The following NDUFA11 variants were observed in gnomAD, a reference collection of about 807,000 sequenced individuals.
The protein encoded by NDUFA11 is NADH:ubiquinone oxidoreductase subunit A11.
NDUFA11 carries 14 observed loss-of-function variants against 11.3 expected under a neutral mutation model. That is an observed-to-expected ratio of 1.24 (90% confidence interval 0.82 to 1.94). The LOEUF (loss-of-function observed/expected upper bound fraction) is 1.94. Ranked by LOEUF, NDUFA11 falls within the 30% of genes most tolerant of loss-of-function variation. NDUFA11 has a pLI of 0.00. For synonymous variants in NDUFA11, 87 were observed against 85.6 expected (o/e 1.02, Z -0.09); for missense variants, 204 against 200.3 (o/e 1.02, Z -0.11).
downstream of NDUFA11, chr19:5,892,890 T>C: frequency 7.1e-7 from 1 of 1,416,870 alleles, no homozygotes; most frequent in Non-Finnish European, 9.2e-7. Flanking sequence ...GGTGCTGCCG[T>C]CCTCTGAGGA....
chr19:5,901,439 A>G, intron 1 of NDUFA11: 1 of 1,287,106 alleles, frequency 7.8e-7, no homozygotes, highest in Non-Finnish European at 1.0e-6. Flanking sequence ...ATGCTTCTCC[A>G]ACCTTCAGTC....
chr19:5,897,171 C>T (rs1292485102), intron 1 of NDUFA11, among the ~76,000 whole-genome samples, 174 bp from the exon 2 acceptor site: 1 of 152,144 alleles, frequency 6.6e-6, no homozygotes, highest in African/African-American at 2.4e-5. Flanking sequence ...GTTTGCTGCT[C>T]CAAAACTGGG....
intron 1 of NDUFA11, among the ~76,000 whole-genome samples, chr19:5,897,373 C>A (rs982974039): frequency 6.6e-6 from 1 of 152,172 alleles, no homozygotes; most frequent in Non-Finnish European, 1.5e-5. Context: ...CTCAGTTCTG[C>A]GGCTGCTTCC....
intron 3 of NDUFA11, chr19:5,895,481 G>A (rs2057602121): frequency 6.5e-6 from 1 of 153,084 alleles, no homozygotes; most frequent in Non-Finnish European, 1.5e-5. Context: ...TCCAGTGGGA[G>A]CTGGGGAGGG....
intron 1 of NDUFA11, chr19:5,901,195 C>T (rs2057643201): frequency 1.3e-6 from 1 of 795,034 alleles, no homozygotes; most frequent in Non-Finnish European, 1.7e-6. Context: ...GAGACCGCAG[C>T]CCACTCATTT....
At chr19:5,892,871 T>C, downstream of NDUFA11, 1 of 1,400,048 alleles carries the variant, frequency 7.1e-7, no homozygotes, top group South Asian at 1.7e-5. Flanking sequence ...GTGGGAAAGC[T>C]GAGGCCTGGG....
At chr19:5,897,205 T>C (rs1420111851) in intron 1 of NDUFA11, among the ~76,000 whole-genome samples, 1 of 152,048 alleles carries the variant, frequency 6.6e-6, no homozygotes, top group Non-Finnish European at 1.5e-5. Flanking sequence ...CCTTCCCCAC[T>C]CCCCGCCAGG....
Position 5,897,013 on chromosome 19 carries a change from G to A in NDUFA11, c.98-16C>T. 2.5e-6 allele frequency: 4 copies of A among 1,609,380 alleles called. No individual in the cohort carries two copies. Among genetic ancestry groups the A allele is most frequent in the African/African-American group, 2.7e-5 (2 of 74,958 alleles). ...GCGGTCAGGCCTGCGAGACAGAGGA[G>A]GGAGGCTGTTCAGACCCCACTGCTG... On this transcript the variant is annotated splice_polypyrimidine_tract_variant and intron_variant, in intron 1 of 3. Transcript: ENST00000308961.
intron 1 of NDUFA11, among the ~76,000 whole-genome samples, chr19:5,897,341 G>A (rs2057616906): frequency 6.6e-6 from 1 of 152,184 alleles, no homozygotes; most frequent in South Asian, 2.1e-4. Context: ...CCACGTGGTG[G>A]ACACAAGAAC....
intron 3 of NDUFA11, 64 bp from the exon 4 acceptor site, chr19:5,894,918 C>G (rs901112893): frequency 8.6e-6 from 13 of 1,516,026 alleles, no homozygotes; most frequent in Non-Finnish European, 1.2e-5. Context: ...ACGCTCCACG[C>G]CCTGGCCGGT....
intron 3 of NDUFA11, chr19:5,895,647 C>T (rs2057603221): frequency 6.5e-6 from 1 of 153,026 alleles, no homozygotes; most frequent in African/African-American, 2.4e-5. Context: ...TTCACTCCTC[C>T]CGCTGGCCCT....
Position 5,894,767 on chromosome 19 carries a change from T to A in NDUFA11, c.401A>T (p.Glu134Val). The A allele has an allele frequency of 6.2e-7, 1 of 1,613,342 alleles. No homozygotes were observed. The change falls in exon 4 of 4, where the codon GAG becomes GTG. Residue 134 changes from glutamate (E) to valine (V), a missense_variant. By Grantham distance (121) the Glu-to-Val change is moderately radical. Coordinates refer to ENST00000308961, the MANE Select transcript of NDUFA11 (RefSeq NM_175614.5). ...TCACACCTTGGGTTTTGCAAACACC[T>A]CCCAGCCCTCCAGCCGGCCCATCTT... is the stretch of plus-strand genomic sequence containing the variant. The part of the protein sequence containing the change: ...LVKMGRLEGW[E>V]VFAKPKV
Position 5,896,279 on chromosome 19 carries a change from C to G in NDUFA11, c.313+174G>C, listed in dbSNP as rs1052026544. On this transcript the variant is annotated intron_variant, in intron 3 of 3. Coordinates refer to ENST00000308961, the MANE Select transcript of NDUFA11 (RefSeq NM_175614.5). This position sits in a 1 kb window ranked among gnomAD's most constrained non-coding sequence, Gnocchi z 5.8. Reference sequence around the variant, plus strand: ...GGACAGGGCAGGTCAGGGAGGGCCACAGTAGGTGCTTAAGCAGCAGCAGCA... The same window carrying G: ...GGACAGGGCAGGTCAGGGAGGGCCAGAGTAGGTGCTTAAGCAGCAGCAGCA... 5.3e-6 allele frequency: 4 copies of G among 754,916 alleles called. No individual in the cohort carries two copies. In the East Asian group the frequency reaches 1.1e-4, roughly 20 times the overall value. 46.8% of individuals were successfully genotyped at this position (754,916 alleles called of 1,614,324 possible). A position where few individuals can be genotyped will look rare whatever the true frequency, so the allele number is the denominator to read the frequency against.
At chr19:5,893,002 G>A (rs562068529), downstream of NDUFA11, 64 of 1,530,100 alleles carry the variant, frequency 4.2e-5, no homozygotes, top group African/African-American at 8.6e-4. This position sits in a 1 kb window ranked among gnomAD's most constrained non-coding sequence, Gnocchi z 4.1. Context: ...CCCTCTGGGT[G>A]CGGGGTGGGT....
chr19:5,900,725 C>T (rs2057639613), intron 1 of NDUFA11, among the ~76,000 whole-genome samples: 1 of 152,064 alleles, frequency 6.6e-6, no homozygotes, highest in Admixed American at 6.6e-5. Context: ...TGAGACCGGC[C>T]TGGCCAACAT....
intron 1 of NDUFA11, among the ~76,000 whole-genome samples, chr19:5,899,148 C>CTT (rs550114615): frequency 5.0e-5 from 7 of 139,184 alleles, no homozygotes; most frequent in Non-Finnish European, 1.1e-4. Context: ...TATGAAGATT[C>CTT]TTTTTTTTTT....
chr19:5,892,788 G>T, downstream of NDUFA11: 1 of 1,217,016 alleles, frequency 8.2e-7, no homozygotes, highest in Non-Finnish European at 1.1e-6. Context: ...TGAGTGGATG[G>T]GATGCCTGCA....
At position 5,896,623 on chromosome 19, in the gene NDUFA11, G is replaced by A. The variant is rs1440571753; in HGVS notation, c.191-48C>T. 6.4e-7 allele frequency: 1 copy of A among 1,553,220 alleles called. No individual in the cohort carries two copies. The highest frequency in any genetic ancestry group is 8.7e-7 in the Non-Finnish European group (1 of 1,149,282). Reference sequence around the variant, plus strand: ...AAGGGCCTCGAGACGGGCACAGCAGGAGCCTCTTGGGCGCTCACTGCCAGT... The same window carrying A: ...AAGGGCCTCGAGACGGGCACAGCAGAAGCCTCTTGGGCGCTCACTGCCAGT... On this transcript the variant is annotated intron_variant, in intron 2 of 3. Transcript: ENST00000308961. This position sits in a 1 kb window ranked among gnomAD's most constrained non-coding sequence, Gnocchi z 5.8.
downstream of NDUFA11, chr19:5,891,852 C>T (rs998197987): frequency 2.0e-5 from 3 of 152,398 alleles, no homozygotes; most frequent in African/African-American, 7.2e-5. Context: ...CTCCTCAGTT[C>T]CAGCCCTGAC....
Sources: gnomAD v4.1 joint callset for allele counts (sites outside exome capture counted in the v4.1 genomes callset) on GRCh38, gnomAD v4.1.1 for gene constraint, Gnocchi (gnomAD v3.1) non-coding constraint, MANE v1.5 for transcripts, NCBI Gene and HGNC (gene_info 2026-07-23, HGNC 2026-07-21) for gene names.